Variants in SPRED2 observed in about 807,000 individuals in gnomAD.
SPRED2 encodes the protein sprouty-related, EVH1 domain-containing protein 2.
Under a neutral mutation model 43.0 loss-of-function variants are expected in SPRED2, and 47 were observed. The ratio of observed to expected loss-of-function variants is 1.09; its 90% CI spans 0.87 to 1.40. The LOEUF is 1.40. Among genes scored for constraint, SPRED2 ranks in the 40% most tolerant of loss-of-function variants. The pLI, the probability that SPRED2 is intolerant of heterozygous loss-of-function variation, is 0.00. For missense variants in SPRED2, 561 were observed against 586.4 expected, an observed-to-expected ratio of 0.96 and a Z score of 0.45; for synonymous variants, 225 against 225.7, an observed-to-expected ratio of 1.00 and a Z score of 0.03.
At chr2:65,404,490 T>A (rs1403134417) in intron 1 of SPRED2, among the ~76,000 whole-genome samples, 1 of 152,242 alleles carries the variant, frequency 6.6e-6, no homozygotes, top group African/African-American at 2.4e-5. Context: ...GTAATGAGTT[T>A]CTCAGGGAGT....
At chr2:65,403,195 C>T (rs1675945008) in intron 1 of SPRED2, among the ~76,000 whole-genome samples, 1 of 152,208 alleles carries the variant, frequency 6.6e-6, no homozygotes, top group African/African-American at 2.4e-5. Flanking sequence ...ACAACAGCCT[C>T]CTAAGGAGAC....
intron 1 of SPRED2, among the ~76,000 whole-genome samples, chr2:65,389,819 T>G (rs1382023360): frequency 6.6e-6 from 1 of 151,964 alleles, no homozygotes; most frequent in Non-Finnish European, 1.5e-5. Flanking sequence ...TTTGAAGGAG[T>G]GAGAAATTTT....
At chr2:65,344,997 T>A (rs1258501428) in intron 1 of SPRED2, 101 bp from the exon 2 acceptor site, 5 of 1,216,548 alleles carry the variant, frequency 4.1e-6, no homozygotes, top group Non-Finnish European at 4.4e-6. Flanking sequence ...ACTTTTTTTG[T>A]TTTATCGAAA....
chr2:65,422,898 G>A (rs1468235760), intron 1 of SPRED2, among the ~76,000 whole-genome samples: 1 of 152,130 alleles, frequency 6.6e-6, no homozygotes, highest in Non-Finnish European at 1.5e-5. Flanking sequence ...TTCTAGCAAG[G>A]CAGATTTGCT....
At chr2:65,429,298 A>C (rs1427494482) in intron 1 of SPRED2, among the ~76,000 whole-genome samples, 1 of 152,254 alleles carries the variant, frequency 6.6e-6, no homozygotes, top group Admixed American at 6.5e-5. Flanking sequence ...GTACAAATAT[A>C]TCTTTCCTAG....
In SPRED2 at chr2:65,406,931, C is replaced by CTT. The variant is rs571460201; in HGVS notation, c.26+25029_26+25030dup. Among the ~76,000 whole-genome samples, 10 of 143,834 alleles carry CTT rather than the reference C, an allele frequency of 7.0e-5. No homozygotes were observed. In the South Asian group the frequency reaches 8.8e-4, roughly 13 times the overall value. The allele number at this position is 143,834 out of a possible 152,430, so 94.4% of individuals were successfully genotyped here. A position where few individuals can be genotyped will look rare whatever the true frequency, so the allele number is the denominator to read the frequency against. The stretch of plus-strand genomic sequence containing the variant: ...CTGGACAGTGGAAAGTTTAGTCTCT[C>CTT]TTTTTTTTTTTTTTTGAGACGGAGT... On this transcript the variant is annotated intron_variant, in intron 1 of 5. Transcript: ENST00000356388.
At chr2:65,392,181 T>C (rs1274596200) in intron 1 of SPRED2, among the ~76,000 whole-genome samples, 2 of 146,494 alleles carry the variant, frequency 1.4e-5, no homozygotes, top group Middle Eastern at 3.5e-3. Context: ...ATTTCTTTTT[T>C]TTTTTTTTTT....
chr2:65,388,288 A>G (rs1051891484), intron 1 of SPRED2, among the ~76,000 whole-genome samples: 40 of 152,230 alleles, frequency 2.6e-4, no homozygotes, highest in African/African-American at 9.4e-4. Flanking sequence ...ATGAGCCCTC[A>G]AGGTAGAGAT....
At chr2:65,342,473 G>A (rs1241689549) in intron 2 of SPRED2, among the ~76,000 whole-genome samples, 2 of 149,162 alleles carry the variant, frequency 1.3e-5, no homozygotes, top group African/African-American at 4.9e-5. Context: ...TGAATATTTT[G>A]TATACGTATA....
chr2:65,320,602 C>T (rs1205462299), intron 4 of SPRED2, among the ~76,000 whole-genome samples: 1 of 152,194 alleles, frequency 6.6e-6, no homozygotes, highest in Non-Finnish European at 1.5e-5. Context: ...CTACTGCCTC[C>T]TGAGGGCAGA....
At chr2:65,370,010 T>C (rs1418630326) in intron 1 of SPRED2, among the ~76,000 whole-genome samples, 2 of 152,236 alleles carry the variant, frequency 1.3e-5, no homozygotes, top group South Asian at 4.1e-4. Context: ...TGTATATAAC[T>C]TAAGTCCAAA....
intron 1 of SPRED2, among the ~76,000 whole-genome samples, chr2:65,387,136 A>G (rs1675520495): frequency 6.6e-6 from 1 of 152,224 alleles, no homozygotes; most frequent in Non-Finnish European, 1.5e-5. Flanking sequence ...CACTGTCTAA[A>G]TGCCTTGTGC....
intron 1 of SPRED2, among the ~76,000 whole-genome samples, chr2:65,415,689 C>G (rs929622648): frequency 6.6e-6 from 1 of 151,820 alleles, no homozygotes; most frequent in Non-Finnish European, 1.5e-5. Context: ...AAATAAAAAC[C>G]AGTTATAATT....
intron 1 of SPRED2, among the ~76,000 whole-genome samples, chr2:65,410,423 A>G (rs1328516298): frequency 6.6e-6 from 1 of 152,038 alleles, no homozygotes; most frequent in Non-Finnish European, 1.5e-5. Flanking sequence ...TAAAATCACT[A>G]TTTATACTCG....
chr2:65,420,209 C>CA (rs61448407), intron 1 of SPRED2, among the ~76,000 whole-genome samples: 5,832 of 76,318 alleles, frequency 0.076, 279 homozygotes, highest in African/African-American at 0.17. Context: ...GACTCTGTCT[C>CA]AAAAAAAAAA....
intron 4 of SPRED2, among the ~76,000 whole-genome samples, chr2:65,326,341 A>C (rs1673615868): frequency 6.6e-6 from 1 of 152,166 alleles, no homozygotes; most frequent in Non-Finnish European, 1.5e-5. Context: ...AGGCTGAGAA[A>C]CCTATGATCA....
At chr2:65,376,200 T>C (rs2103625772) in intron 1 of SPRED2, among the ~76,000 whole-genome samples, 1 of 152,294 alleles carries the variant, frequency 6.6e-6, no homozygotes, top group East Asian at 1.9e-4. Context: ...TCAGCTCAGT[T>C]TATATTTCAG....
In SPRED2 at chr2:65,344,816, C is replaced by A. The variant is rs1674298365; in HGVS notation, c.107G>T (p.Gly36Val). ...ACAGACCCCGACGCGACTGATCCCGCCTCCTTCCTGTGGGAACCATCCCCC... is the reference window on the plus strand; with the variant it reads ...ACAGACCCCGACGCGACTGATCCCGACTCCTTCCTGTGGGAACCATCCCCC... ...SSGGWFPQEG[G>V]GISRVGVCKV... Residue 36 changes from glycine (G) to valine (V), a missense_variant, in exon 2 of 6, where the codon GGC (glycine) becomes GTC (valine). Gly to Val is a moderately radical substitution (Grantham distance 109). Coordinates refer to ENST00000356388, the MANE Select transcript of SPRED2 (RefSeq NM_181784.3). 2.5e-6 allele frequency: 4 copies of A among 1,614,208 alleles called. No homozygotes were observed. Among genetic ancestry groups the A allele is most frequent in the Non-Finnish European group, 3.4e-6 (4 of 1,180,042 alleles).
In SPRED2 at chr2:65,313,793, C is replaced by T. The variant is rs772289515; in HGVS notation, c.965G>A (p.Arg322His). The T allele has an allele frequency of 1.4e-5, 23 of 1,614,038 alleles. No individual in the cohort carries two copies. The highest frequency in any genetic ancestry group is 1.9e-5 in the Non-Finnish European group (23 of 1,180,024). The change falls in exon 6 of 6, where the codon CGC becomes CAC. Residue 322 changes from arginine (R) to histidine (H), a missense_variant. This residue lies in a region of SPRED2 where 164 missense variants were observed against 164.1 expected (regional missense o/e 1.00). Coordinates refer to ENST00000356388, the MANE Select transcript of SPRED2 (RefSeq NM_181784.3). ...GGGCGCGTCCTGGCAGTGGCCCCGG[C>T]GGTTCTCCTCGTGGTTGAACATGTC... ...CRDMFNHEENRRGHCQDAPDS... is the reference protein window; with the variant it reads ...CRDMFNHEENHRGHCQDAPDS...
Sources: gnomAD v4.1 joint callset for allele counts (sites outside exome capture counted in the v4.1 genomes callset) on GRCh38, gnomAD v4.1.1 for gene constraint, gnomAD v4.1.1 regional missense constraint, MANE v1.5 for transcripts, NCBI Gene and HGNC (gene_info 2026-07-23, HGNC 2026-07-21) for gene names.